PPARD: variants seen among roughly 807,000 people sequenced by gnomAD.
PPARD encodes peroxisome proliferator activated receptor delta.
PPARD carries 6 observed loss-of-function variants against 39.5 expected under a neutral mutation model. The observed-to-expected ratio is 0.15, with a 90% CI of 0.08 to 0.30. The LOEUF is 0.30. PPARD is among the 10% of genes least tolerant of loss of function. The probability of loss-of-function intolerance (pLI) is 1.00; values close to 1 mark genes in which losing one functional copy is unlikely to be tolerated. For missense variants in PPARD, 397 were observed against 596.8 expected (o/e 0.67, Z 3.49); for synonymous variants, 210 against 231.3 (o/e 0.91, Z 0.83).
intron 3 of PPARD, 83 bp from the exon 4 acceptor site, chr6:35,420,044 G>C (rs1766033688): frequency 1.3e-6 from 2 of 1,508,376 alleles, no homozygotes; most frequent in African/African-American, 1.4e-5. Context: ...AAGTGGCTGA[G>C]GCGAGGGCTG....
chr6:35,417,972 C>T (rs1053922320), intron 3 of PPARD, among the ~76,000 whole-genome samples: 2 of 152,148 alleles, frequency 1.3e-5, no homozygotes, highest in African/African-American at 4.8e-5. Flanking sequence ...AACCAAATGA[C>T]TAGACACCTG....
At chr6:35,393,536 C>G (rs1338081456) in intron 2 of PPARD, among the ~76,000 whole-genome samples, 1 of 152,176 alleles carries the variant, frequency 6.6e-6, no homozygotes, top group Non-Finnish European at 1.5e-5. Flanking sequence ...CCTCCTGGCT[C>G]TGAGTCCTGA....
At chr6:35,367,840 G>C (rs1370845463) in intron 2 of PPARD, among the ~76,000 whole-genome samples, 1 of 152,254 alleles carries the variant, frequency 6.6e-6, no homozygotes, top group African/African-American at 2.4e-5. Flanking sequence ...TCACGTCCCA[G>C]AACATCACCT....
At chr6:35,379,980 G>C (rs1763046227) in intron 2 of PPARD, among the ~76,000 whole-genome samples, 1 of 152,178 alleles carries the variant, frequency 6.6e-6, no homozygotes, top group South Asian at 2.1e-4. Context: ...TTGTCCTGTG[G>C]AGTCTCAGAT....
chr6:35,372,206 C>T (rs1762516747), intron 2 of PPARD, among the ~76,000 whole-genome samples: 1 of 152,208 alleles, frequency 6.6e-6, no homozygotes, highest in Non-Finnish European at 1.5e-5. Flanking sequence ...GAGACGGAGT[C>T]TCGCTCTGTT....
intron 1 of PPARD, among the ~76,000 whole-genome samples, chr6:35,343,895 T>G (rs920433693): frequency 2.0e-5 from 3 of 152,084 alleles, no homozygotes; most frequent in Non-Finnish European, 4.4e-5. Context: ...CTGTGCTCCA[T>G]CCGAAAGGAC....
intron 2 of PPARD, among the ~76,000 whole-genome samples, chr6:35,361,821 A>T (rs1489642859): frequency 2.0e-5 from 3 of 152,202 alleles, no homozygotes; most frequent in Admixed American, 6.5e-5. Flanking sequence ...CCATGGGGAC[A>T]GGTGGTTCTG....
At chr6:35,373,492 A>C (rs532786273) in intron 2 of PPARD, among the ~76,000 whole-genome samples, 147 of 152,310 alleles carry the variant, frequency 9.7e-4, no homozygotes, top group Middle Eastern at 3.4e-3. Flanking sequence ...GGAGAAAAAA[A>C]CATTTCCAAT....
intron 2 of PPARD, among the ~76,000 whole-genome samples, chr6:35,360,033 C>A (rs948973915): frequency 2.6e-5 from 4 of 152,114 alleles, no homozygotes; most frequent in Admixed American, 6.5e-5. Flanking sequence ...CAGAAAATAG[C>A]AGTCTCTTGT....
chr6:35,386,846 CCT>C (rs1183329940), intron 2 of PPARD, among the ~76,000 whole-genome samples: 2 of 151,966 alleles, frequency 1.3e-5, no homozygotes, highest in Non-Finnish European at 2.9e-5. Context: ...CCCAGGAGGC[CCT>C]GTCTTGTGCT....
Position 35,426,577 on chromosome 6 carries a change from G to A in PPARD, c.*498G>A, listed in dbSNP as rs570085469. 1 of 172,380 alleles carries A rather than the reference G, an allele frequency of 5.8e-6. No homozygotes were observed. Among genetic ancestry groups the A allele is most frequent in the African/African-American group, 2.4e-5 (1 of 41,776 alleles). The allele number at this position is 172,380 out of a possible 1,614,324, so 10.7% of individuals were successfully genotyped here. Reference sequence around the variant, plus strand: ...TCCTCACTTCTGTCTCCTGTCTTCAGAGCAAAAGACTTGAGCCATCCAAAG... The same window carrying A: ...TCCTCACTTCTGTCTCCTGTCTTCAAAGCAAAAGACTTGAGCCATCCAAAG... On this transcript the variant is annotated 3_prime_UTR_variant, in exon 8 of 8. Coordinates refer to ENST00000360694, the MANE Select transcript of PPARD (RefSeq NM_006238.5).
At chr6:35,411,894 C>A (rs1765453447) in intron 3 of PPARD, among the ~76,000 whole-genome samples, 1 of 152,052 alleles carries the variant, frequency 6.6e-6, no homozygotes, top group Non-Finnish European at 1.5e-5. Flanking sequence ...ATCCATGCAG[C>A]CCCTGGCTTT....
chr6:35,408,230 G>A (rs1267343878), intron 2 of PPARD, among the ~76,000 whole-genome samples: 1 of 152,190 alleles, frequency 6.6e-6, no homozygotes, highest in African/African-American at 2.4e-5. Flanking sequence ...GGAAATAATA[G>A]CTTTTTCGGA....
chr6:35,425,046 G>T lies in PPARD; in HGVS notation c.1078+267G>T. 1.6e-6 allele frequency: 2 copies of T among 1,263,434 alleles called. No individual in the cohort carries two copies. The highest frequency in any genetic ancestry group is 2.0e-6 in the Non-Finnish European group (2 of 993,322). The allele number at this position is 1,263,434 out of a possible 1,614,324, so 78.3% of individuals were successfully genotyped here. A position where few individuals can be genotyped will look rare whatever the true frequency, so the allele number is the denominator to read the frequency against. On this transcript the variant is annotated intron_variant, in intron 7 of 7. Coordinates refer to ENST00000360694, the MANE Select transcript of PPARD (RefSeq NM_006238.5). This position sits in a 1 kb window ranked among gnomAD's most constrained non-coding sequence, Gnocchi z 4.5. ...CCAGCACTTTGGCAGGCCGAGGCGG[G>T]TGGATCACTTGAGGTCAGGAGTTCG...
chr6:35,395,024 A>G (rs568432257), intron 2 of PPARD, among the ~76,000 whole-genome samples: 37 of 152,110 alleles, frequency 2.4e-4, no homozygotes, highest in African/African-American at 8.4e-4. Context: ...CTGGGGGTGT[A>G]CCTGTCATAT....
intron 2 of PPARD, among the ~76,000 whole-genome samples, chr6:35,380,967 C>T (rs1763121110): frequency 6.6e-6 from 1 of 152,178 alleles, no homozygotes; most frequent in African/African-American, 2.4e-5. Context: ...CTCTCCACCG[C>T]TCCATCTCTC....
At position 35,411,192 on chromosome 6, in the gene PPARD, T is replaced by C. The variant is rs144202664; in HGVS notation, c.105T>C (p.His35=). ...CAGAGCTCAATGGGGGACCACAGCA[T>C]GCACTTCCTTCCAGCAGCTACACAG... is the stretch of plus-strand genomic sequence containing the variant. ...GAPELNGGPQ[H]ALPSSSYTDL... is the part of the protein sequence containing the mutation. Residue 35 remains histidine (H), a synonymous_variant, in exon 3 of 8, where the codon CAT becomes CAC. Transcript: ENST00000360694. 1.9e-5 allele frequency: 29 copies of C among 1,551,836 alleles called. No individual in the cohort carries two copies. Among genetic ancestry groups the C allele is most frequent in the African/African-American group, 1.4e-4 (10 of 71,990 alleles).
intron 2 of PPARD, among the ~76,000 whole-genome samples, chr6:35,405,058 C>T (rs1344486772): frequency 6.6e-6 from 1 of 150,812 alleles, no homozygotes; most frequent in East Asian, 2.0e-4. Flanking sequence ...TGCAAGAAAT[C>T]CTTTTATTTT....
At chr6:35,416,488 C>T (rs1293527212) in intron 3 of PPARD, among the ~76,000 whole-genome samples, 1 of 151,718 alleles carries the variant, frequency 6.6e-6, no homozygotes. Flanking sequence ...CCAACATAGC[C>T]GCTGCCAGCA....
Sources: allele counts gnomAD v4.1 joint callset (sites outside exome capture counted in the v4.1 genomes callset), GRCh38; gene constraint gnomAD v4.1.1; non-coding constraint Gnocchi (gnomAD v3.1); transcripts MANE v1.5; gene names NCBI Gene and HGNC (gene_info 2026-07-23, HGNC 2026-07-21).